Variants in LONRF1 observed in about 807,000 individuals in gnomAD.
LONRF1 encodes LON peptidase N-terminal domain and RING finger protein 1.
In LONRF1, 37 loss-of-function variants were observed where a neutral mutation model predicts 85.8. The ratio of observed to expected loss-of-function variants is 0.43; its 90% CI spans 0.33 to 0.57. The LOEUF (loss-of-function observed/expected upper bound fraction) is 0.57. LONRF1 is among the 20% of genes least tolerant of loss of function. LONRF1 has a pLI of 0.04. For missense variants in LONRF1, 1,036 were observed against 978.0 expected (o/e 1.06, Z -0.79); for synonymous variants, 517 against 390.1 (o/e 1.33, Z -3.83).
At chr8:12,725,035 T>C (rs2117216384) in intron 11 of LONRF1, among the ~76,000 whole-genome samples, 1 of 152,334 alleles carries the variant, frequency 6.6e-6, no homozygotes, top group Non-Finnish European at 1.5e-5. Flanking sequence ...TTAGTTCAAT[T>C]CAAAATGCTA....
intron 1 of LONRF1, among the ~76,000 whole-genome samples, chr8:12,747,461 C>T (rs1053676994): frequency 1.3e-5 from 2 of 151,946 alleles, no homozygotes; most frequent in Non-Finnish European, 2.9e-5. Context: ...TATCTTTTAC[C>T]CATCACAAAG....
chr8:12,733,136 G>C (rs1159518297), intron 7 of LONRF1, among the ~76,000 whole-genome samples: 1 of 152,136 alleles, frequency 6.6e-6, no homozygotes, highest in Non-Finnish European at 1.5e-5. Context: ...AGATGCTGCT[G>C]GTCAGGGGAG....
intron 1 of LONRF1, among the ~76,000 whole-genome samples, chr8:12,748,873 G>A (rs1348401801): frequency 6.7e-6 from 1 of 149,784 alleles, no homozygotes; most frequent in Non-Finnish European, 1.5e-5. Context: ...CCAGGGTTGA[G>A]CTCAAAGCTG....
At chr8:12,739,341 CAAAA>C (rs35823658) in intron 3 of LONRF1, among the ~76,000 whole-genome samples, 3 of 106,104 alleles carry the variant, frequency 2.8e-5, no homozygotes, top group Non-Finnish European at 2.0e-5. Flanking sequence ...ATATGTTCAG[CAAAA>C]AAAAAAAAAA....
chr8:12,748,900 T>C (rs1187216275), intron 1 of LONRF1, among the ~76,000 whole-genome samples: 1 of 152,106 alleles, frequency 6.6e-6, no homozygotes, highest in Non-Finnish European at 1.5e-5. Context: ...GATAAGCTGT[T>C]GATCATTGAT....
intron 1 of LONRF1, among the ~76,000 whole-genome samples, chr8:12,750,635 AAAGAT>A (rs1335399349): frequency 6.6e-6 from 1 of 152,244 alleles, no homozygotes; most frequent in Non-Finnish European, 1.5e-5. Context: ...TTGAGTTACT[AAAGAT>A]AATAAAAACC....
intron 7 of LONRF1, among the ~76,000 whole-genome samples, chr8:12,734,040 CA>C (rs1313162236): frequency 1.3e-5 from 2 of 152,134 alleles, no homozygotes; most frequent in African/African-American, 4.8e-5. Context: ...CCAAAAACCA[CA>C]ATTACTTTTG....
At chr8:12,740,734 CCACT>C in intron 3 of LONRF1, 136 bp downstream of exon 3, 1 of 1,072,496 alleles carries the variant, frequency 9.3e-7, no homozygotes, top group East Asian at 2.5e-5. Context: ...AACCTGAAAA[CCACT>C]CAAATTATCA....
intron 1 of LONRF1, among the ~76,000 whole-genome samples, chr8:12,746,712 T>C (rs1799168924): frequency 6.6e-6 from 1 of 151,936 alleles, no homozygotes; most frequent in East Asian, 1.9e-4. Flanking sequence ...GGATCTAGGA[T>C]TGTCCACATT....
intron 2 of LONRF1, among the ~76,000 whole-genome samples, chr8:12,742,408 C>T: frequency 6.6e-6 from 1 of 152,236 alleles, no homozygotes; most frequent in East Asian, 1.9e-4. Context: ...ATACACATTC[C>T]TAAGTCTTTT....
intron 2 of LONRF1, among the ~76,000 whole-genome samples, chr8:12,742,416 T>C (rs1365602021): frequency 6.6e-6 from 1 of 152,214 alleles, no homozygotes; most frequent in African/African-American, 2.4e-5. Context: ...TCCTAAGTCT[T>C]TTTAAAAGCC....
In LONRF1 at chr8:12,735,603, G is replaced by GC. The variant is rs1798688191; in HGVS notation, c.1452-204dup. On this transcript the variant is annotated intron_variant, in intron 6 of 11. Transcript: ENST00000398246. ...AATTCTCCATCAACAAAGGCCTCCT[G>GC]CCAAAGGCCTAGAGCCAAGGGCCTA... 3 of 529,308 alleles carry GC rather than the reference G, an allele frequency of 5.7e-6. No individual in the cohort carries two copies. In the East Asian group the frequency reaches 9.6e-5, roughly 17 times the overall value. The allele number at this position is 529,308 out of a possible 1,614,324, so 32.8% of individuals were successfully genotyped here.
intron 3 of LONRF1, among the ~76,000 whole-genome samples, chr8:12,739,586 C>T (rs763291622): frequency 6.6e-6 from 1 of 152,148 alleles, no homozygotes; most frequent in Non-Finnish European, 1.5e-5. Flanking sequence ...TCAAAACTCA[C>T]TGACGTGTAA....
chr8:12,741,945 G>A (rs1798948687), intron 2 of LONRF1, among the ~76,000 whole-genome samples: 1 of 152,144 alleles, frequency 6.6e-6, no homozygotes, highest in Non-Finnish European at 1.5e-5. Flanking sequence ...AGTATCAACT[G>A]GTAAGCTTTA....
intron 2 of LONRF1, among the ~76,000 whole-genome samples, chr8:12,741,463 C>T (rs1042971548): frequency 2.6e-5 from 4 of 152,130 alleles, no homozygotes; most frequent in African/African-American, 9.7e-5. Context: ...TACCTACACA[C>T]CACCCTGGAG....
chr8:12,755,388 T>TGGGGAGGTCCTCGCCACCGCC lies in LONRF1; in HGVS notation c.12_32dup (p.Ala5_Pro11dup), dbSNP rs1799603280. 3 of 1,177,748 alleles carry TGGGGAGGTCCTCGCCACCGCC rather than the reference T, an allele frequency of 2.5e-6. No individual in the cohort carries two copies. The African/African-American group carries it at 4.9e-5, about 19-fold the overall frequency. 73.0% of individuals were successfully genotyped at this position (1,177,748 alleles called of 1,614,324 possible). On this transcript the variant is annotated inframe_insertion, in exon 1 of 12. Transcript: ENST00000398246. ...CTGGGGCCATCTCCCGACTCCCTCC[T>TGGGGAGGTCCTCGCCACCGCC]GGGGAGGTCCTCGCCACCGCCGGAG... is the stretch of plus-strand genomic sequence containing the variant.
At chr8:12,753,327 C>G (rs1247813027) in intron 1 of LONRF1, 1 of 152,224 alleles carries the variant, frequency 6.6e-6, no homozygotes, top group South Asian at 2.1e-4. Context: ...TTCAGTTACA[C>G]AGTCTATAAA....
chr8:12,727,263 CGCTTTTA>C lies in LONRF1; in HGVS notation c.2011-1391_2011-1385del, dbSNP rs1206633162. 96 of 145,096 alleles carry C rather than the reference CGCTTTTA, an allele frequency of 6.6e-4. 1 individual carries two copies. The highest frequency in any genetic ancestry group is 2.4e-3 in the African/African-American group (94 of 39,880). 9.0% of individuals were successfully genotyped at this position (145,096 alleles called of 1,614,324 possible). On this transcript the variant is annotated intron_variant, in intron 10 of 11. Transcript: ENST00000398246. ...GAGCTGGCCAAAAAGCAGGCAGAGA[CGCTTTTA>C]AAGTCTCTGCCTGCTTTTTGGCCAG...
At chr8:12,726,308 T>C (rs1181879387) in intron 10 of LONRF1, among the ~76,000 whole-genome samples, 1 of 151,486 alleles carries the variant, frequency 6.6e-6, no homozygotes, top group African/African-American at 2.4e-5. Context: ...GTAGATGACA[T>C]GACAGAAAGT....
Sources: allele counts gnomAD v4.1 joint callset (sites outside exome capture counted in the v4.1 genomes callset), GRCh38; gene constraint gnomAD v4.1.1; transcripts MANE v1.5; gene names NCBI Gene and HGNC (gene_info 2026-07-23, HGNC 2026-07-21).